The following CSGALNACT1 variants were observed in gnomAD, a reference collection of about 807,000 sequenced individuals.
CSGALNACT1 encodes chondroitin sulfate N-acetylgalactosaminyltransferase 1, also known as beta4GalNAcT-1.
A neutral mutation model predicts 51.0 loss-of-function variants in CSGALNACT1; 52 were observed. The observed-to-expected ratio is 1.02, with a 90% CI of 0.82 to 1.29. The LOEUF (loss-of-function observed/expected upper bound fraction) is 1.29. CSGALNACT1 is among the 50% of genes most tolerant of loss of function. CSGALNACT1 has a pLI of 0.00. For synonymous variants in CSGALNACT1, 341 were observed against 254.4 expected, an observed-to-expected ratio of 1.34 and a Z score of -3.24; for missense variants, 935 against 679.2, an observed-to-expected ratio of 1.38 and a Z score of -4.19.
At chr8:19,627,823 T>C (rs116046763) in intron 1 of CSGALNACT1, among the ~76,000 whole-genome samples, 3,275 of 152,246 alleles carry the variant, frequency 0.022, 135 homozygotes, top group African/African-American at 0.075. Context: ...CAAGACCTCC[T>C]ACCTTTAAAA....
chr8:19,621,289 G>A (rs1290763930), intron 1 of CSGALNACT1, among the ~76,000 whole-genome samples: 2 of 152,058 alleles, frequency 1.3e-5, no homozygotes, highest in Non-Finnish European at 2.9e-5. Flanking sequence ...AAAAAACCCT[G>A]CAAATCTTGA....
chr8:19,609,318 G>A (rs908433855), intron 1 of CSGALNACT1, among the ~76,000 whole-genome samples: 1 of 147,300 alleles, frequency 6.8e-6, no homozygotes, highest in African/African-American at 2.5e-5. Flanking sequence ...TTGCCCTCAG[G>A]GATCCTACAA....
chr8:19,503,792 T>C (rs2153991145), intron 4 of CSGALNACT1, among the ~76,000 whole-genome samples: 1 of 152,264 alleles, frequency 6.6e-6, no homozygotes, highest in East Asian at 1.9e-4. Context: ...TTTTTTTTTT[T>C]TTTAATCTCA....
chr8:19,537,341 A>G (rs1253424035), intron 3 of CSGALNACT1, among the ~76,000 whole-genome samples: 1 of 152,210 alleles, frequency 6.6e-6, no homozygotes, highest in Non-Finnish European at 1.5e-5. Context: ...GAGGGTGTGC[A>G]GTAAACGGTC....
At chr8:19,560,085 C>T (rs1360022523) in intron 3 of CSGALNACT1, among the ~76,000 whole-genome samples, 1 of 152,146 alleles carries the variant, frequency 6.6e-6, no homozygotes, top group East Asian at 1.9e-4. Context: ...CACTTATAAA[C>T]ATTTTTGGTA....
chr8:19,432,020 A>T (rs1175271143), intron 6 of CSGALNACT1, among the ~76,000 whole-genome samples: 1 of 152,126 alleles, frequency 6.6e-6, no homozygotes, highest in African/African-American at 2.4e-5. Context: ...ACAAAAATAC[A>T]TTTATACTAT....
chr8:19,564,449 C>A (rs1311734805), intron 3 of CSGALNACT1, among the ~76,000 whole-genome samples: 1 of 151,440 alleles, frequency 6.6e-6, no homozygotes, highest in Non-Finnish European at 1.5e-5. Flanking sequence ...ATGGGAAGCC[C>A]AGGTTGGGAA....
chr8:19,421,479 C>A (rs1365840990), intron 6 of CSGALNACT1, among the ~76,000 whole-genome samples: 1 of 152,190 alleles, frequency 6.6e-6, no homozygotes, highest in Non-Finnish European at 1.5e-5. Flanking sequence ...CTTCTTTCAG[C>A]CTAGCAAATC....
At chr8:19,690,004 C>G (rs548224546) in intron 1 of CSGALNACT1, among the ~76,000 whole-genome samples, 1 of 152,294 alleles carries the variant, frequency 6.6e-6, no homozygotes, top group African/African-American at 2.4e-5. Context: ...TCATGAATCA[C>G]TAATCATTAA....
intron 1 of CSGALNACT1, among the ~76,000 whole-genome samples, chr8:19,636,029 T>C (rs1049230645): frequency 6.6e-6 from 1 of 152,194 alleles, no homozygotes; most frequent in African/African-American, 2.4e-5. Flanking sequence ...TTCATTCATT[T>C]TTCAAAGGCT....
chr8:19,450,516 C>G (rs552216099), intron 5 of CSGALNACT1, among the ~76,000 whole-genome samples: 1 of 152,162 alleles, frequency 6.6e-6, no homozygotes, highest in East Asian at 1.9e-4. Context: ...TCACGTGAAG[C>G]CTGTGAGGGT....
At chr8:19,606,604 A>T (rs1275844234), upstream of CSGALNACT1, among the ~76,000 whole-genome samples, 1 of 152,200 alleles carries the variant, frequency 6.6e-6, no homozygotes, top group Non-Finnish European at 1.5e-5. Flanking sequence ...GAAAAAGAGG[A>T]TCTTGGTGTC....
chr8:19,679,756 C>T (rs1292738889), intron 1 of CSGALNACT1, among the ~76,000 whole-genome samples: 2 of 152,142 alleles, frequency 1.3e-5, no homozygotes, highest in Non-Finnish European at 2.9e-5. Flanking sequence ...GTTATGAAAA[C>T]GCCACTCTTA....
chr8:19,572,566 C>T (rs1355807154), intron 3 of CSGALNACT1, among the ~76,000 whole-genome samples: 1 of 152,202 alleles, frequency 6.6e-6, no homozygotes, highest in Admixed American at 6.5e-5. Context: ...ACATACTACT[C>T]ACAAAGAAGT....
intron 3 of CSGALNACT1, among the ~76,000 whole-genome samples, chr8:19,532,925 A>T (rs532743951): frequency 1.3e-5 from 2 of 152,212 alleles, no homozygotes; most frequent in South Asian, 4.1e-4. Flanking sequence ...ACTGCCATAC[A>T]TCCCATCCGA....
At chr8:19,619,321 C>A (rs766175669) in intron 1 of CSGALNACT1, among the ~76,000 whole-genome samples, 6 of 151,324 alleles carry the variant, frequency 4.0e-5, no homozygotes, top group Non-Finnish European at 8.8e-5. Context: ...GTGAGGAATA[C>A]AATATGGCTG....
intron 6 of CSGALNACT1, among the ~76,000 whole-genome samples, chr8:19,438,382 A>T (rs962135528): frequency 6.6e-6 from 1 of 152,192 alleles, no homozygotes; most frequent in South Asian, 2.1e-4. Flanking sequence ...ACATGAATTT[A>T]TATCATTCAT....
chr8:19,628,869 G>GA (rs2054821593), intron 1 of CSGALNACT1, among the ~76,000 whole-genome samples: 1 of 152,072 alleles, frequency 6.6e-6, no homozygotes, highest in South Asian at 2.1e-4. Flanking sequence ...GGGAGGAAAA[G>GA]AAAAAGAACA....
chr8:19,504,880 A>C (rs1462021816), intron 4 of CSGALNACT1, among the ~76,000 whole-genome samples: 1 of 152,238 alleles, frequency 6.6e-6, no homozygotes, highest in Non-Finnish European at 1.5e-5. Context: ...AGTTACTAGA[A>C]GTGCCCTGTC....
Sources: allele counts gnomAD v4.1 joint callset (sites outside exome capture counted in the v4.1 genomes callset), GRCh38; gene constraint gnomAD v4.1.1; transcripts MANE v1.5; gene names NCBI Gene and HGNC (gene_info 2026-07-23, HGNC 2026-07-21).